Variants in KAZN observed in about 807,000 individuals in gnomAD.
KAZN encodes the protein kazrin, periplakin interacting protein, also known as kazrin.
Under a neutral mutation model 87.4 loss-of-function variants are expected in KAZN, and 40 were observed. The observed-to-expected ratio is 0.46, with a 90% confidence interval of 0.36 to 0.60. The LOEUF (loss-of-function observed/expected upper bound fraction) is 0.60, where lower values mean the gene tolerates loss of function less well. KAZN is among the 20% of genes least tolerant of loss of function. KAZN has a pLI of 0.00. For missense variants in KAZN, 898 were observed against 1,073.9 expected, an observed-to-expected ratio of 0.84 and a Z score of 2.29; for synonymous variants, 466 against 458.3, an observed-to-expected ratio of 1.02 and a Z score of -0.22.
At chr1:13,903,201 T>A (rs1304535367) in intron 1 of KAZN, among the ~76,000 whole-genome samples, 1 of 152,246 alleles carries the variant, frequency 6.6e-6, no homozygotes, top group African/African-American at 2.4e-5. Flanking sequence ...TGGGCGATGA[T>A]GTTCAGACCT....
chr1:14,107,864 C>T (rs1242499916), intron 1 of KAZN, among the ~76,000 whole-genome samples: 8 of 152,176 alleles, frequency 5.3e-5, no homozygotes, highest in African/African-American at 1.4e-4. Context: ...TGTCACCTGA[C>T]TCCAAGAAAC....
chr1:14,305,117 T>C (rs1654830903), intron 2 of KAZN, among the ~76,000 whole-genome samples: 1 of 152,160 alleles, frequency 6.6e-6, no homozygotes, highest in Non-Finnish European at 1.5e-5. Flanking sequence ...CTGCATCAGC[T>C]ACGGTTTTGT....
chr1:13,959,380 C>A (rs1223993096), intron 1 of KAZN, among the ~76,000 whole-genome samples: 1 of 152,176 alleles, frequency 6.6e-6, no homozygotes, highest in Non-Finnish European at 1.5e-5. Flanking sequence ...CCCGACCTCA[C>A]CTTGAGATGC....
chr1:14,748,209 A>G (rs1057215539), intron 1 of KAZN, among the ~76,000 whole-genome samples: 8 of 144,048 alleles, frequency 5.6e-5, no homozygotes, highest in Non-Finnish European at 1.2e-4. Flanking sequence ...TTTCTCCCAG[A>G]AAAAACATCT....
chr1:13,972,020 C>G (rs1642155048), intron 1 of KAZN, among the ~76,000 whole-genome samples: 1 of 152,128 alleles, frequency 6.6e-6, no homozygotes, highest in African/African-American at 2.4e-5. Flanking sequence ...TTATTGATTA[C>G]CCAGTCTCAG....
At chr1:14,110,844 C>A (rs989920972) in intron 1 of KAZN, among the ~76,000 whole-genome samples, 1 of 134,914 alleles carries the variant, frequency 7.4e-6, no homozygotes, top group Admixed American at 7.3e-5. Context: ...GTTAAGATGA[C>A]AATGACGATG....
intron 1 of KAZN, among the ~76,000 whole-genome samples, chr1:14,872,834 G>A (rs750106424): frequency 4.6e-5 from 7 of 151,768 alleles, no homozygotes; most frequent in Non-Finnish European, 7.4e-5. Context: ...AAGGACAAAT[G>A]GATGGATGTA....
upstream of KAZN, among the ~76,000 whole-genome samples, chr1:14,595,528 A>G (rs1363436947): frequency 6.6e-6 from 1 of 151,736 alleles, no homozygotes; most frequent in Non-Finnish European, 1.5e-5. Context: ...AAATACAAAA[A>G]AAAATTAGAG....
intron 1 of KAZN, among the ~76,000 whole-genome samples, chr1:14,606,960 T>C (rs1002736482): frequency 1.3e-5 from 2 of 152,142 alleles, no homozygotes; most frequent in Non-Finnish European, 1.5e-5. Context: ...GAGACTTCAA[T>C]TGTTAGTCTT....
intron 1 of KAZN, among the ~76,000 whole-genome samples, chr1:14,641,914 C>T (rs1176688498): frequency 6.6e-6 from 1 of 152,226 alleles, no homozygotes; most frequent in Non-Finnish European, 1.5e-5. Context: ...TTGCAAGTCA[C>T]GTACGTGACA....
At chr1:14,004,172 A>G (rs1414326554) in intron 1 of KAZN, among the ~76,000 whole-genome samples, 1 of 152,198 alleles carries the variant, frequency 6.6e-6, no homozygotes, top group Non-Finnish European at 1.5e-5. Context: ...ACCGTGATAT[A>G]CAACTATGCC....
At chr1:15,100,828 G>A (rs574210846) in intron 10 of KAZN, among the ~76,000 whole-genome samples, 23 of 152,328 alleles carry the variant, frequency 1.5e-4, no homozygotes, top group Middle Eastern at 3.4e-3. Flanking sequence ...CCTTCTTCGC[G>A]CATGATTAGG....
intron 2 of KAZN, among the ~76,000 whole-genome samples, chr1:14,499,453 T>A (rs1015238828): frequency 2.0e-5 from 3 of 152,144 alleles, no homozygotes; most frequent in South Asian, 4.1e-4. Flanking sequence ...CCCGTGACAA[T>A]TGCTGTCCTG....
rs565789457 is a variant in KAZN at position 13,962,534 on chromosome 1, C to T, written c.91+68778C>T. Among the ~76,000 whole-genome samples, 8 of 152,168 alleles carry T rather than the reference C, an allele frequency of 5.3e-5. No individual in the cohort carries two copies. In the East Asian group the frequency reaches 1.2e-3, roughly 22 times the overall value. ...TTCTTGTTTACTTTCCCAACAACCCCGGGTGATAGGCCTTATGCTACCCAT... is the reference window on the plus strand; with the variant it reads ...TTCTTGTTTACTTTCCCAACAACCCTGGGTGATAGGCCTTATGCTACCCAT... On this transcript the variant is annotated intron_variant, in intron 1 of 16. Coordinates refer to the KAZN transcript ENST00000636203.
chr1:14,019,773 G>A (rs7551391), intron 1 of KAZN, among the ~76,000 whole-genome samples: 3,370 of 152,174 alleles, frequency 0.022, 117 homozygotes, highest in African/African-American at 0.076. Context: ...TGTGTCCCCA[G>A]GCTATTAAAA....
intron 1 of KAZN, among the ~76,000 whole-genome samples, chr1:14,011,345 A>G (rs989783834): frequency 6.6e-6 from 1 of 152,098 alleles, no homozygotes; most frequent in African/African-American, 2.4e-5. Context: ...GCTCATGCCC[A>G]CTATAGGGCC....
intron 1 of KAZN, among the ~76,000 whole-genome samples, chr1:14,618,522 G>C (rs1325569275): frequency 2.0e-5 from 3 of 152,230 alleles, no homozygotes; most frequent in African/African-American, 7.2e-5. Flanking sequence ...ATATGATGGA[G>C]TACCTAGAAG....
intron 1 of KAZN, among the ~76,000 whole-genome samples, chr1:14,160,602 T>G (rs1189218549): frequency 6.6e-6 from 1 of 152,188 alleles, no homozygotes; most frequent in East Asian, 1.9e-4. Flanking sequence ...GGTGCTTTTT[T>G]TGTGTGTGGA....
intron 2 of KAZN, among the ~76,000 whole-genome samples, chr1:14,329,380 C>T (rs550549266): frequency 1.3e-5 from 2 of 152,284 alleles, no homozygotes; most frequent in African/African-American, 4.8e-5. Flanking sequence ...CAGAGATAGT[C>T]CCCAAAACTA....
Sources: allele counts gnomAD v4.1 joint callset (sites outside exome capture counted in the v4.1 genomes callset), GRCh38; gene constraint gnomAD v4.1.1; transcripts MANE v1.5; gene names NCBI Gene and HGNC (gene_info 2026-07-23, HGNC 2026-07-21).